The following MATN2 variants were observed in gnomAD, a reference collection of about 807,000 sequenced individuals.
MATN2 encodes the protein matrilin-2.
A neutral mutation model predicts 103.2 loss-of-function variants in MATN2; 69 were observed. That is an observed-to-expected ratio of 0.67 (90% CI 0.55 to 0.82). The LOEUF is 0.82. Among genes scored for constraint, MATN2 ranks in the 40% least tolerant of loss-of-function variants. MATN2 has a pLI of 0.00. For synonymous variants in MATN2, 429 were observed against 450.2 expected (o/e 0.95, Z 0.60); for missense variants, 1,023 against 1,211.5 (o/e 0.84, Z 2.31).
intron 5 of MATN2, among the ~76,000 whole-genome samples, chr8:97,964,403 C>T (rs142506982): frequency 1.1e-4 from 17 of 151,736 alleles, no homozygotes; most frequent in Middle Eastern, 3.5e-3. Context: ...TTATGCCTCC[C>T]AGTTAATACA....
chr8:97,938,997 G>A (rs1810468167), intron 3 of MATN2, among the ~76,000 whole-genome samples: 1 of 151,910 alleles, frequency 6.6e-6, no homozygotes, highest in Non-Finnish European at 1.5e-5. Context: ...AGCCTCCCGA[G>A]TAGCTGGGAT....
chr8:97,943,210 A>G (rs1175668141), intron 4 of MATN2, among the ~76,000 whole-genome samples: 1 of 152,054 alleles, frequency 6.6e-6, no homozygotes, highest in Non-Finnish European at 1.5e-5. Context: ...CAAACAACCT[A>G]GAGATCTCTT....
intron 5 of MATN2, among the ~76,000 whole-genome samples, chr8:97,975,516 A>G (rs16896476): frequency 0.12 from 18,578 of 152,196 alleles, 1,279 homozygotes; most frequent in Admixed American, 0.22. Context: ...GAGGACATTC[A>G]AGAGAAAAGG....
At chr8:97,954,562 A>G (rs1394871269) in intron 4 of MATN2, among the ~76,000 whole-genome samples, 2 of 152,216 alleles carry the variant, frequency 1.3e-5, no homozygotes, top group Non-Finnish European at 2.9e-5. Flanking sequence ...CTGTGGGAAG[A>G]GATGCACATC....
intron 2 of MATN2, among the ~76,000 whole-genome samples, chr8:97,903,929 T>C (rs1819076690): frequency 6.6e-6 from 1 of 152,240 alleles, no homozygotes; most frequent in Non-Finnish European, 1.5e-5. Flanking sequence ...GGTTTGATAA[T>C]GCAATGGATT....
chr8:97,881,909 TTATC>T, intron 1 of MATN2, among the ~76,000 whole-genome samples: 1 of 141,008 alleles, frequency 7.1e-6, no homozygotes, highest in Non-Finnish European at 1.5e-5. Flanking sequence ...CCTTTATTAC[TTATC>T]TTTTTTTTTT....
At chr8:97,909,147 G>T (rs1459804108) in intron 2 of MATN2, among the ~76,000 whole-genome samples, 2 of 150,922 alleles carry the variant, frequency 1.3e-5, no homozygotes, top group Non-Finnish European at 3.0e-5. Flanking sequence ...TGCCCAGGCT[G>T]GTCTCAAACT....
intron 2 of MATN2, among the ~76,000 whole-genome samples, chr8:97,900,815 G>T (rs1818954792): frequency 6.6e-6 from 1 of 152,068 alleles, no homozygotes; most frequent in Non-Finnish European, 1.5e-5. Context: ...GGCACCTGTA[G>T]TCCCACCTAC....
intron 2 of MATN2, among the ~76,000 whole-genome samples, chr8:97,910,907 A>G (rs981413161): frequency 2.0e-5 from 3 of 152,228 alleles, no homozygotes; most frequent in Admixed American, 6.5e-5. Flanking sequence ...CCATGGCTCA[A>G]TAACATAGTA....
chr8:97,886,247 T>C (rs979241607), intron 1 of MATN2, among the ~76,000 whole-genome samples: 11 of 152,176 alleles, frequency 7.2e-5, no homozygotes, highest in African/African-American at 2.2e-4. Flanking sequence ...TTGAGCTGTA[T>C]AATTATTTCA....
In MATN2 at chr8:98,021,137, C is replaced by G. The variant is rs1414163888; in HGVS notation, c.1820-68C>G. ...AGAGATTACTTCCACAATCTCTACT[C>G]ACATGACTATTCAATTCACCTCATT... On this transcript the variant is annotated intron_variant, in intron 12 of 18. Transcript: ENST00000254898. The G allele has an allele frequency of 2.0e-6, 3 of 1,492,132 alleles. No homozygotes were observed. The East Asian group carries it at 6.9e-5, about 34-fold the overall frequency. 92.4% of individuals were successfully genotyped at this position (1,492,132 alleles called of 1,614,324 possible). A position where few individuals can be genotyped will look rare whatever the true frequency, so the allele number is the denominator to read the frequency against.
intron 5 of MATN2, among the ~76,000 whole-genome samples, chr8:97,974,634 A>T (rs1379457209): frequency 6.6e-6 from 1 of 151,458 alleles, no homozygotes; most frequent in East Asian, 1.9e-4. Context: ...TTTAGTACAG[A>T]TGGGGTTTCA....
At chr8:97,877,015 T>C (rs1483960012) in intron 1 of MATN2, among the ~76,000 whole-genome samples, 1 of 151,380 alleles carries the variant, frequency 6.6e-6, no homozygotes, top group Non-Finnish European at 1.5e-5. Flanking sequence ...TCTTTTTTTT[T>C]TTTTTTTTGA....
chr8:97,995,854 C>T (rs1812566989), intron 7 of MATN2, among the ~76,000 whole-genome samples: 1 of 152,226 alleles, frequency 6.6e-6, no homozygotes, highest in South Asian at 2.1e-4. Flanking sequence ...AAACCCTGCA[C>T]ACATTCAAGC....
intron 13 of MATN2, chr8:98,025,092 G>A (rs1242665087): frequency 6.6e-6 from 1 of 152,228 alleles, no homozygotes; most frequent in Non-Finnish European, 1.5e-5. Flanking sequence ...CTGCTGAAGA[G>A]CCACATGCAT....
At chr8:98,027,107 C>T (rs1463980079) in intron 13 of MATN2, among the ~76,000 whole-genome samples, 3 of 152,054 alleles carry the variant, frequency 2.0e-5, no homozygotes, top group South Asian at 2.1e-4. Flanking sequence ...ACTCTACACC[C>T]AGCTCCTCCC....
rs60234542 is a variant in MATN2 at position 98,019,121 on chromosome 8, A to AT, written c.1819+1005_1819+1006insT. 5.5e-4 allele frequency among the ~76,000 whole-genome samples: 83 copies of AT among 150,364 alleles called. 1 individual carries two copies. In the South Asian group the frequency reaches 0.015, roughly 28 times the overall value. ...TATATCATAGAAGATATATATATAT[A>AT]CACACACATATATATGTGTGTGATG... On this transcript the variant is annotated intron_variant, in intron 12 of 18. Coordinates refer to ENST00000254898, the MANE Select transcript of MATN2 (RefSeq NM_002380.5).
At chr8:97,928,218 C>CT (rs34226792) in intron 2 of MATN2, among the ~76,000 whole-genome samples, 2,382 of 89,198 alleles carry the variant, frequency 0.027, 173 homozygotes, top group African/African-American at 0.097. Flanking sequence ...GCACTCCTGC[C>CT]TTTTTTTTTT....
At chr8:98,014,007 G>A (rs1813272675) in intron 10 of MATN2, among the ~76,000 whole-genome samples, 1 of 152,154 alleles carries the variant, frequency 6.6e-6, no homozygotes, top group African/African-American at 2.4e-5. Flanking sequence ...TACTCAGGAG[G>A]CTAAGGTGGG....
Sources: gnomAD v4.1 joint callset for allele counts (sites outside exome capture counted in the v4.1 genomes callset) on GRCh38, gnomAD v4.1.1 for gene constraint, MANE v1.5 for transcripts, NCBI Gene and HGNC (gene_info 2026-07-23, HGNC 2026-07-21) for gene names.